The following UACA variants were observed in gnomAD, a reference collection of about 807,000 sequenced individuals.
The protein encoded by UACA is nuclear membrane binding protein.
UACA carries 112 observed loss-of-function variants against 160.5 expected under a neutral mutation model. The ratio of observed to expected loss-of-function variants is 0.70; its 90% confidence interval spans 0.60 to 0.82. UACA has a LOEUF of 0.82. Among genes scored for constraint, UACA ranks in the 40% least tolerant of loss-of-function variants. The pLI is 0.00. For synonymous variants in UACA, 557 were observed against 568.4 expected (o/e 0.98, Z 0.29); for missense variants, 1,574 against 1,614.6 (o/e 0.97, Z 0.43).
In UACA at chr15:70,761,818, C is replaced by T. The variant is rs181152014; in HGVS notation, c.78+1512G>A. Among the ~76,000 whole-genome samples, 392 of 152,238 alleles carry T rather than the reference C, an allele frequency of 2.6e-3. 1 individual carries two copies. Among genetic ancestry groups the T allele is most frequent in the African/African-American group, 8.9e-3 (370 of 41,528 alleles). The stretch of plus-strand genomic sequence containing the variant: ...AATGCAAACTATCATGCTGATAATA[C>T]CTACTAAATACTCTGCATTTCTAGA... On this transcript the variant is annotated intron_variant, in intron 1 of 18. Coordinates refer to ENST00000322954, the MANE Select transcript of UACA (RefSeq NM_018003.4).
At chr15:70,736,438 C>CT (rs144617676) in intron 1 of UACA, among the ~76,000 whole-genome samples, 2 of 151,826 alleles carry the variant, frequency 1.3e-5, no homozygotes, top group Non-Finnish European at 2.9e-5. Context: ...ATTCAACATG[C>CT]TTTTTTTGGG....
rs766710720 is a variant in UACA at position 70,687,594 on chromosome 15, C to T, written c.548G>A (p.Cys183Tyr). The change falls in exon 7 of 19, where the codon TGT becomes TAT. Residue 183 changes from cysteine to tyrosine, a missense_variant. Coordinates refer to ENST00000322954, the MANE Select transcript of UACA (RefSeq NM_018003.4). ...CGCTCCTCTATCTATCAGCAGTTGA[C>T]ATATTGTTGGCCTACTCATCTGAGT... ...LATQMSRPTI[C>Y]QLLIDRGADV... 32 of 1,613,930 alleles carry T rather than the reference C, an allele frequency of 2.0e-5. No homozygotes were observed. The highest frequency in any genetic ancestry group is 2.5e-5 in the Non-Finnish European group (29 of 1,179,858).
At chr15:70,744,272 A>G (rs2141005080) in intron 1 of UACA, among the ~76,000 whole-genome samples, 1 of 150,384 alleles carries the variant, frequency 6.6e-6, no homozygotes, top group South Asian at 2.1e-4. Context: ...AAAAAAAGAA[A>G]GAAAAACTAG....
chr15:70,728,837 A>G (rs975738079), intron 1 of UACA, among the ~76,000 whole-genome samples: 12 of 152,266 alleles, frequency 7.9e-5, no homozygotes, highest in African/African-American at 2.9e-4. Flanking sequence ...ACTTAATGCA[A>G]CAAGCAAAAA....
intron 1 of UACA, among the ~76,000 whole-genome samples, chr15:70,700,318 T>TATATATATATATATATATATATACACAC (rs565377949): frequency 3.9e-4 from 55 of 139,786 alleles, no homozygotes; most frequent in African/African-American, 1.6e-3. Flanking sequence ...TATATATATA[T>TATATATATATATATATATATATACACAC]ACACACACAC....
intron 1 of UACA, among the ~76,000 whole-genome samples, chr15:70,702,703 A>G (rs1279046031): frequency 6.6e-6 from 1 of 152,224 alleles, no homozygotes; most frequent in East Asian, 1.9e-4. Flanking sequence ...AAGGAAACGC[A>G]CACACAGTAA....
intron 1 of UACA, among the ~76,000 whole-genome samples, chr15:70,724,774 A>G (rs1469791717): frequency 1.3e-5 from 2 of 152,026 alleles, no homozygotes; most frequent in African/African-American, 4.8e-5. Flanking sequence ...TTCATCCCAA[A>G]TGGCTTTGTT....
intron 11 of UACA, 60 bp downstream of exon 11, chr15:70,678,039 T>C: frequency 1.6e-6 from 2 of 1,277,800 alleles, no homozygotes; most frequent in Non-Finnish European, 2.2e-6. Flanking sequence ...GCACAATCAT[T>C]AACAATTTGC....
rs912580461 is a variant in UACA at position 70,763,523 on chromosome 15, C to A, written c.-116G>T. Reference sequence around the variant, plus strand: ...GCGCGGGCTGTACCAGCCCCACCTGCCTGCCACCTGCGGGCCCCGGGCAGC... The same window carrying A: ...GCGCGGGCTGTACCAGCCCCACCTGACTGCCACCTGCGGGCCCCGGGCAGC... On this transcript the variant is annotated 5_prime_UTR_variant, in exon 1 of 19. Coordinates refer to ENST00000322954, the MANE Select transcript of UACA (RefSeq NM_018003.4). 1.5e-5 allele frequency: 19 copies of A among 1,244,778 alleles called. 1 individual carries two copies. In the African/African-American group the frequency reaches 2.8e-4, roughly 18 times the overall value. The allele number at this position is 1,244,778 out of a possible 1,614,324, so 77.1% of individuals were successfully genotyped here. A position where few individuals can be genotyped will look rare whatever the true frequency, so the allele number is the denominator to read the frequency against.
chr15:70,689,117 C>T (rs1161201030), intron 5 of UACA, among the ~76,000 whole-genome samples: 1 of 152,128 alleles, frequency 6.6e-6, no homozygotes, highest in Non-Finnish European at 1.5e-5. Flanking sequence ...TAGGCTCTCT[C>T]CTCCTTCCTG....
At chr15:70,660,014 G>T (rs1176002357) in intron 18 of UACA, 137 bp downstream of exon 18, 3 of 662,786 alleles carry the variant, frequency 4.5e-6, no homozygotes, top group African/African-American at 3.8e-5. Flanking sequence ...ATGATTAAAA[G>T]AAACATAATT....
upstream of UACA, among the ~76,000 whole-genome samples, chr15:70,764,200 G>C (rs1382369825): frequency 2.0e-5 from 3 of 152,180 alleles, no homozygotes; most frequent in African/African-American, 7.2e-5. Flanking sequence ...GAAGCAAAGG[G>C]ACGGAATGGG....
rs1404482188 is a variant in UACA, at chr15:70,699,989, AAAGT to A, written c.79-333_79-330del. Among the ~76,000 whole-genome samples the A allele has an allele frequency of 7.9e-5, 12 of 152,228 alleles. No individual in the cohort carries two copies. The South Asian group carries it at 2.5e-3, about 32-fold the overall frequency. ...GAACACCTACCCTGTACCAGGCACT[AAAGT>A]CCCAATCAACCCTAGTAAACTAAAA... is the stretch of plus-strand genomic sequence containing the variant. On this transcript the variant is annotated intron_variant, in intron 1 of 18. Transcript: ENST00000322954.
rs1425836405 is a variant in UACA at position 70,708,528 on chromosome 15, T to G, written c.79-8868A>C. On this transcript the variant is annotated intron_variant, in intron 1 of 18. Coordinates refer to ENST00000322954, the MANE Select transcript of UACA (RefSeq NM_018003.4). ...CAGGCTGGACTGCAATGGCACAATA[T>G]CAGCTCACTGCAGCCTGCAACCTCC... Among the ~76,000 whole-genome samples the G allele has an allele frequency of 2.0e-5, 3 of 151,524 alleles. No homozygotes were observed. The East Asian group carries it at 5.8e-4, about 29-fold the overall frequency.
chr15:70,670,444 G>T (rs770404670), intron 15 of UACA, among the ~76,000 whole-genome samples: 1 of 152,066 alleles, frequency 6.6e-6, no homozygotes, highest in Non-Finnish European at 1.5e-5. Context: ...CTCTCAAGCC[G>T]CCCACTTGGC....
rs536257790 is a variant in UACA, at chr15:70,677,026, A to G, written c.1032+82T>C. 28 of 1,056,258 alleles carry G rather than the reference A, an allele frequency of 2.7e-5. No individual in the cohort carries two copies. In the East Asian group the frequency reaches 6.4e-4, roughly 24 times the overall value. 65.4% of individuals were successfully genotyped at this position (1,056,258 alleles called of 1,614,324 possible). On this transcript the variant is annotated intron_variant, in intron 12 of 18. Coordinates refer to ENST00000322954, the MANE Select transcript of UACA (RefSeq NM_018003.4). ...AAATAGAATCCTGGTCTCTATCTCA[A>G]TTCAGGACTTAAACCTTTACTACTA...
rs1892928790 is a variant in UACA, at chr15:70,660,171, G to A, written c.4159C>T (p.His1387Tyr). 1.9e-6 allele frequency: 3 copies of A among 1,613,462 alleles called. No homozygotes were observed. Among genetic ancestry groups the A allele is most frequent in the Admixed American group, 3.3e-5 (2 of 59,960 alleles). ...TTTACCTGTGCAGCACTAAGAAGGT[G>A]TGTCCGATAAATTGCAATTACTTCT... The part of the protein sequence containing the change: ...HQEVIAIYRT[H>Y]LLSAAQGHMD... Residue 1387 changes from histidine to tyrosine, a missense_variant, in exon 18 of 19, where the codon CAC (histidine) becomes TAC (tyrosine). Coordinates refer to ENST00000322954, the MANE Select transcript of UACA (RefSeq NM_018003.4).
At position 70,729,323 on chromosome 15, in the gene UACA, G is replaced by A. The variant is rs193219638; in HGVS notation, c.79-29663C>T. Among the ~76,000 whole-genome samples, 22 of 152,166 alleles carry A rather than the reference G, an allele frequency of 1.4e-4. No homozygotes were observed. The East Asian group carries it at 3.9e-3, about 27-fold the overall frequency. ...GAGTGGACTGGAAAAAGAAAATGTG[G>A]TACATATATACCATGGAATACTACT... On this transcript the variant is annotated intron_variant, in intron 1 of 18. Transcript: ENST00000322954.
chr15:70,680,920 C>A (rs907310307), intron 9 of UACA, among the ~76,000 whole-genome samples: 1 of 152,156 alleles, frequency 6.6e-6, no homozygotes, highest in Non-Finnish European at 1.5e-5. Flanking sequence ...ATACAAGGTC[C>A]TTCTTAATCT....
Sources: allele counts gnomAD v4.1 joint callset (sites outside exome capture counted in the v4.1 genomes callset), GRCh38; gene constraint gnomAD v4.1.1; transcripts MANE v1.5; gene names NCBI Gene and HGNC (gene_info 2026-07-23, HGNC 2026-07-21).